Variants in CAAP1 observed in about 807,000 individuals in gnomAD.
The protein encoded by CAAP1 is conserved anti-apoptotic protein.
Under a neutral mutation model 34.0 loss-of-function variants are expected in CAAP1, and 20 were observed. The ratio of observed to expected loss-of-function variants is 0.59; its 90% CI spans 0.41 to 0.86. The LOEUF (loss-of-function observed/expected upper bound fraction) is 0.86. Among genes scored for constraint, CAAP1 ranks in the 40% least tolerant of loss-of-function variants. The pLI is 0.00. For synonymous variants in CAAP1, 213 were observed against 166.7 expected (o/e 1.28, Z -2.14); for missense variants, 538 against 450.5 (o/e 1.19, Z -1.76).
At chr9:26,879,842 G>A (rs1823540894) in intron 4 of CAAP1, among the ~76,000 whole-genome samples, 1 of 152,118 alleles carries the variant, frequency 6.6e-6, no homozygotes, top group Non-Finnish European at 1.5e-5. Context: ...CTGCACTGTC[G>A]GCTTCCCTAC....
intron 4 of CAAP1, among the ~76,000 whole-genome samples, chr9:26,870,586 ACGTGTGTGTGTG>A (rs1823250305): frequency 8.4e-6 from 1 of 118,840 alleles, no homozygotes. Flanking sequence ...ACACATATAT[ACGTGTGTGTGTG>A]TGTGTGTGTG....
intron 4 of CAAP1, among the ~76,000 whole-genome samples, chr9:26,873,609 C>T (rs967309614): frequency 6.6e-6 from 1 of 152,152 alleles, no homozygotes; most frequent in Non-Finnish European, 1.5e-5. Context: ...AATACCTGTT[C>T]TCATTTTCAG....
At chr9:26,850,100 T>C (rs755387051) in intron 5 of CAAP1, among the ~76,000 whole-genome samples, 6 of 152,194 alleles carry the variant, frequency 3.9e-5, no homozygotes, top group Non-Finnish European at 8.8e-5. Flanking sequence ...CCTCCCAAAG[T>C]GTTGGGATTA....
intron 5 of CAAP1, 22 bp from the exon 6 acceptor site, chr9:26,842,669 G>T: frequency 6.4e-7 from 1 of 1,554,134 alleles, no homozygotes; most frequent in Non-Finnish European, 8.7e-7. Flanking sequence ...AAAGGAGAAA[G>T]ATCCATGTAA....
chr9:26,886,930 T>A (rs1823755660), intron 2 of CAAP1, among the ~76,000 whole-genome samples: 2 of 152,066 alleles, frequency 1.3e-5, no homozygotes, highest in African/African-American at 2.4e-5. Flanking sequence ...AAAAACTGCA[T>A]TAACGCCAGG....
At chr9:26,846,415 C>CAAAAAAAAAAAAAAAAAAAA (rs761402354) in intron 5 of CAAP1, among the ~76,000 whole-genome samples, 3 of 61,746 alleles carry the variant, frequency 4.9e-5, no homozygotes, top group Non-Finnish European at 6.6e-5. Context: ...GACTCTGTCT[C>CAAAAAAAAAAAAAAAAAAAA]AAAAAAAAAA....
chr9:26,884,056 A>C (rs986688740), intron 4 of CAAP1, among the ~76,000 whole-genome samples: 4 of 152,184 alleles, frequency 2.6e-5, no homozygotes, highest in African/African-American at 9.7e-5. Flanking sequence ...CTGTGACACA[A>C]GTATTTATTT....
chr9:26,877,004 G>T (rs1823451311), intron 4 of CAAP1, among the ~76,000 whole-genome samples: 1 of 152,076 alleles, frequency 6.6e-6, no homozygotes, highest in South Asian at 2.1e-4. Context: ...AAATTTAAAA[G>T]TAAGCCAGGG....
chr9:26,888,413 TTATC>T (rs915002631), intron 1 of CAAP1, among the ~76,000 whole-genome samples: 7 of 152,320 alleles, frequency 4.6e-5, no homozygotes, highest in African/African-American at 1.7e-4. Context: ...CCTCCCTCCT[TTATC>T]TATCACACTA....
chr9:26,885,775 C>G (rs62544411), intron 3 of CAAP1, among the ~76,000 whole-genome samples: 1 of 152,040 alleles, frequency 6.6e-6, no homozygotes, highest in Admixed American at 6.5e-5. Flanking sequence ...AAATCTAAAG[C>G]AGAAAATTAA....
chr9:26,842,580 T>C lies in CAAP1; in HGVS notation c.807A>G (p.Pro269=), dbSNP rs1563875423. ...CGGGAGCAGCTGCTTCTTCGTTGCATGGGCCTTCTATGTCGCTGTCATAAG... is the reference window on the plus strand; with the variant it reads ...CGGGAGCAGCTGCTTCTTCGTTGCACGGGCCTTCTATGTCGCTGTCATAAG... ...ADAYDSDIEG[P]CNEEAAAPEA... is the part of the protein sequence containing the mutation. Residue 269 remains proline, a synonymous_variant, in exon 6 of 6, where the codon CCA becomes CCG. Transcript: ENST00000333916. 1 of 1,614,244 alleles carries C rather than the reference T, an allele frequency of 6.2e-7. No homozygotes were observed. Among genetic ancestry groups the C allele is most frequent in the Non-Finnish European group, 8.5e-7 (1 of 1,180,048 alleles).
chr9:26,876,986 T>A (rs1823451132), intron 4 of CAAP1, among the ~76,000 whole-genome samples: 1 of 152,054 alleles, frequency 6.6e-6, no homozygotes, highest in Non-Finnish European at 1.5e-5. Context: ...AGACCCTGTC[T>A]CTACAAAAAA....
Position 26,847,198 on chromosome 9 carries a change from A to ATATTT in CAAP1, c.740-4552_740-4551insAAATA, listed in dbSNP as rs1554649570. Among the ~76,000 whole-genome samples, 36 of 34,750 alleles carry ATATTT rather than the reference A, an allele frequency of 1.0e-3. 4 individuals are homozygous for ATATTT. Among genetic ancestry groups the ATATTT allele is most frequent in the African/African-American group, 4.0e-3 (34 of 8,534 alleles). The allele number at this position is 34,750 out of a possible 152,430, so 22.8% of individuals were successfully genotyped here. A position where few individuals can be genotyped will look rare whatever the true frequency, so the allele number is the denominator to read the frequency against. ...TTTTTACTAGTAAGTAAAAAGCAAT[A>ATATTT]TTTTTTTTTTTTTTTTTTTTTTTTT... On this transcript the variant is annotated intron_variant, in intron 5 of 5. Transcript: ENST00000333916.
intron 5 of CAAP1, among the ~76,000 whole-genome samples, chr9:26,850,121 C>T (rs1464450207): frequency 1.3e-5 from 2 of 152,168 alleles, no homozygotes; most frequent in African/African-American, 4.8e-5. Flanking sequence ...CAGGCGTCAG[C>T]CACCACGCCC....
intron 4 of CAAP1, among the ~76,000 whole-genome samples, chr9:26,863,911 C>T (rs551355846): frequency 6.6e-6 from 1 of 152,130 alleles, no homozygotes; most frequent in African/African-American, 2.4e-5. Context: ...CCTACCTCAG[C>T]CTCCCAAGTA....
At chr9:26,850,589 G>C (rs1235652266) in intron 5 of CAAP1, among the ~76,000 whole-genome samples, 1 of 152,138 alleles carries the variant, frequency 6.6e-6, no homozygotes, top group African/African-American at 2.4e-5. Flanking sequence ...TGAAAATTAA[G>C]AAATACTGAA....
At chr9:26,851,994 C>T (rs1283629055) in intron 5 of CAAP1, among the ~76,000 whole-genome samples, 3 of 152,126 alleles carry the variant, frequency 2.0e-5, no homozygotes, top group Non-Finnish European at 4.4e-5. Context: ...AATATAAGCT[C>T]AGAAAGAGAT....
At chr9:26,873,543 A>G (rs1440024131) in intron 4 of CAAP1, among the ~76,000 whole-genome samples, 1 of 152,186 alleles carries the variant, frequency 6.6e-6, no homozygotes, top group East Asian at 1.9e-4. Flanking sequence ...CAAGACTTAA[A>G]TTTCATTATA....
chr9:26,883,721 A>G (rs1213500167), intron 4 of CAAP1, among the ~76,000 whole-genome samples: 1 of 152,234 alleles, frequency 6.6e-6, no homozygotes, highest in Non-Finnish European at 1.5e-5. Context: ...AATGGGGCAA[A>G]GAAATTTTTT....
Sources: allele counts gnomAD v4.1 joint callset (sites outside exome capture counted in the v4.1 genomes callset), GRCh38; gene constraint gnomAD v4.1.1; transcripts MANE v1.5; gene names NCBI Gene and HGNC (gene_info 2026-07-23, HGNC 2026-07-21).